The following PARVA variants were observed in gnomAD, a reference collection of about 807,000 sequenced individuals.
The protein encoded by PARVA is alpha-parvin.
In PARVA, 25 loss-of-function variants were observed where a neutral mutation model predicts 52.6. That is an observed-to-expected ratio of 0.48 (90% CI 0.35 to 0.66). The LOEUF (loss-of-function observed/expected upper bound fraction) is 0.66, where lower values mean the gene tolerates loss of function less well. Among genes scored for constraint, PARVA ranks in the 30% least tolerant of loss-of-function variants. The pLI is 0.01. For missense variants in PARVA, 373 were observed against 450.9 expected (o/e 0.83, Z 1.56); for synonymous variants, 185 against 179.1 (o/e 1.03, Z -0.26).
At chr11:12,415,310 G>T (rs75576047) in intron 1 of PARVA, among the ~76,000 whole-genome samples, 3 of 152,164 alleles carry the variant, frequency 2.0e-5, no homozygotes, top group Admixed American at 2.0e-4. Context: ...ACAAAGTTTC[G>T]TGTGTCATAT....
intron 1 of PARVA, among the ~76,000 whole-genome samples, chr11:12,443,355 A>G (rs1940496663): frequency 1.3e-5 from 2 of 149,964 alleles, no homozygotes; most frequent in Non-Finnish European, 3.0e-5. Context: ...GTATTTCAGT[A>G]GAGACGGGGT....
At chr11:12,465,460 A>G (rs1401725627) in intron 1 of PARVA, among the ~76,000 whole-genome samples, 1 of 152,214 alleles carries the variant, frequency 6.6e-6, no homozygotes, top group Non-Finnish European at 1.5e-5. Flanking sequence ...CATTTCTTAT[A>G]CTATAAATAT....
At chr11:12,516,213 C>T (rs1941565445) in intron 10 of PARVA, among the ~76,000 whole-genome samples, 1 of 152,222 alleles carries the variant, frequency 6.6e-6, no homozygotes. Flanking sequence ...GGCCGGCTAG[C>T]TGGCTACCTG....
intron 12 of PARVA, among the ~76,000 whole-genome samples, chr11:12,526,534 A>G (rs1280120533): frequency 6.6e-6 from 1 of 152,148 alleles, no homozygotes; most frequent in Non-Finnish European, 1.5e-5. Flanking sequence ...CAGGTTAGTG[A>G]ACTTTTACCA....
intron 4 of PARVA, among the ~76,000 whole-genome samples, chr11:12,483,015 G>A (rs1383286159): frequency 6.6e-6 from 1 of 152,238 alleles, no homozygotes; most frequent in Non-Finnish European, 1.5e-5. Context: ...GCAAGGACTG[G>A]CTGGGTGTTC....
chr11:12,522,732 C>T (rs765908744), intron 12 of PARVA, among the ~76,000 whole-genome samples: 1 of 151,924 alleles, frequency 6.6e-6, no homozygotes, highest in African/African-American at 2.4e-5. Flanking sequence ...AAGCTTTATC[C>T]TTGAACAATT....
intron 1 of PARVA, among the ~76,000 whole-genome samples, chr11:12,441,676 T>C (rs1282476568): frequency 6.6e-6 from 1 of 152,166 alleles, no homozygotes; most frequent in Non-Finnish European, 1.5e-5. Context: ...TTCCTACAGA[T>C]GTAAATCAGA....
At chr11:12,445,155 G>C (rs1940526972) in intron 1 of PARVA, among the ~76,000 whole-genome samples, 1 of 152,120 alleles carries the variant, frequency 6.6e-6, no homozygotes, top group South Asian at 2.1e-4. Context: ...AAGGGTCCCC[G>C]CTGGACACCA....
intron 1 of PARVA, chr11:12,452,736 G>C (rs1940640819): frequency 4.2e-6 from 1 of 236,526 alleles, no homozygotes; most frequent in Non-Finnish European, 8.9e-6. Flanking sequence ...AGGTTGCCAA[G>C]AGGCGAGAGG....
chr11:12,444,739 T>C (rs911190606), intron 1 of PARVA, among the ~76,000 whole-genome samples: 1 of 152,166 alleles, frequency 6.6e-6, no homozygotes, highest in Non-Finnish European at 1.5e-5. Flanking sequence ...TGGTTGCCCC[T>C]GAAGGAAGAA....
At chr11:12,488,676 A>G (rs562727637) in intron 4 of PARVA, among the ~76,000 whole-genome samples, 1 of 152,342 alleles carries the variant, frequency 6.6e-6, no homozygotes, top group South Asian at 2.1e-4. Flanking sequence ...GGATGTGAAC[A>G]GAACAATTAA....
intron 1 of PARVA, among the ~76,000 whole-genome samples, chr11:12,444,383 C>T (rs1452784867): frequency 6.6e-6 from 1 of 152,154 alleles, no homozygotes; most frequent in Non-Finnish European, 1.5e-5. Context: ...CTCACTAATT[C>T]ATGGTGATGA....
At chr11:12,422,565 A>C (rs1940165961) in intron 1 of PARVA, among the ~76,000 whole-genome samples, 1 of 149,230 alleles carries the variant, frequency 6.7e-6, no homozygotes, top group Non-Finnish European at 1.5e-5. Flanking sequence ...TGTTTCTTTA[A>C]TTGTGAGACT....
At chr11:12,410,471 A>G (rs1939978102) in intron 1 of PARVA, among the ~76,000 whole-genome samples, 1 of 152,198 alleles carries the variant, frequency 6.6e-6, no homozygotes, top group Admixed American at 6.5e-5. Context: ...CCAGGCATAC[A>G]TTCAGGGGCT....
intron 12 of PARVA, among the ~76,000 whole-genome samples, chr11:12,526,277 T>A (rs1822077145): frequency 6.6e-6 from 1 of 152,130 alleles, no homozygotes; most frequent in Admixed American, 6.5e-5. Context: ...AGCCCCTGGC[T>A]CCCCACTCTG....
At chr11:12,488,769 C>T (rs1941194953) in intron 4 of PARVA, among the ~76,000 whole-genome samples, 1 of 152,196 alleles carries the variant, frequency 6.6e-6, no homozygotes, top group Non-Finnish European at 1.5e-5. Flanking sequence ...ACTTATGTGA[C>T]TTTAAAAAAT....
At chr11:12,378,294 G>T (rs1939434324) in intron 1 of PARVA, among the ~76,000 whole-genome samples, 1 of 152,226 alleles carries the variant, frequency 6.6e-6, no homozygotes, top group Admixed American at 6.5e-5. Context: ...TCTGGCAGCG[G>T]CGTCGTGGCT....
rs573523916 is a variant in PARVA, at chr11:12,467,216, G to C, written c.137-6529G>C. ...CAATTGATTTTTGTAAATTAGCCTT[G>C]TATCCTGCAACCTTGCCAGAATTGC... On this transcript the variant is annotated intron_variant, in intron 1 of 12. Coordinates refer to ENST00000334956, the MANE Select transcript of PARVA (RefSeq NM_018222.5). 2.6e-5 allele frequency among the ~76,000 whole-genome samples: 4 copies of C among 152,262 alleles called. No individual in the cohort carries two copies. In the South Asian group the frequency reaches 6.2e-4, roughly 24 times the overall value.
At chr11:12,380,733 G>C (rs1242003443) in intron 1 of PARVA, among the ~76,000 whole-genome samples, 1 of 140,324 alleles carries the variant, frequency 7.1e-6, no homozygotes, top group Non-Finnish European at 1.5e-5. Flanking sequence ...AGCCACCCCA[G>C]ATTAGGACTG....
Sources: allele counts gnomAD v4.1 joint callset (sites outside exome capture counted in the v4.1 genomes callset), GRCh38; gene constraint gnomAD v4.1.1; transcripts MANE v1.5; gene names NCBI Gene and HGNC (gene_info 2026-07-23, HGNC 2026-07-21).